C8orf34: variants seen among roughly 807,000 people sequenced by gnomAD.
C8orf34 encodes the protein chromosome 8 open reading frame 34.
A neutral mutation model predicts 68.3 loss-of-function variants in C8orf34; 65 were observed. The observed-to-expected ratio is 0.95, with a 90% CI of 0.78 to 1.17. The LOEUF is 1.17. Ranked by LOEUF, C8orf34 falls within the 50% of genes most tolerant of loss-of-function variation. C8orf34 has a pLI of 0.00. For missense variants in C8orf34, 664 were observed against 655.4 expected (o/e 1.01, Z -0.14); for synonymous variants, 244 against 241.2 (o/e 1.01, Z -0.11).
chr8:68,626,174 T>G (rs928962936), intron 7 of C8orf34, among the ~76,000 whole-genome samples: 1 of 152,054 alleles, frequency 6.6e-6, no homozygotes, highest in Non-Finnish European at 1.5e-5. Flanking sequence ...AAAAGAGGTA[T>G]GCAAAATTAA....
At chr8:68,622,946 T>C (rs1818431119) in intron 7 of C8orf34, among the ~76,000 whole-genome samples, 1 of 152,236 alleles carries the variant, frequency 6.6e-6, no homozygotes, top group Non-Finnish European at 1.5e-5. Context: ...TCTGATGAAA[T>C]ACTGGACTGG....
chr8:68,533,099 C>G lies in C8orf34; in HGVS notation c.1055C>G (p.Ser352Cys). ...GAGTCCATCCACAGCCCTACCCCAT[C>G]TGTAACAGAAGAAGATATTGATAAT... ...SFESIHSPTPSVTEEDIDNED... is the reference protein window; with the variant it reads ...SFESIHSPTPCVTEEDIDNED... Residue 352 changes from serine (S) to cysteine (C), a missense_variant, in exon 7 of 14, where the codon TCT becomes TGT. Transcript: ENST00000518698. 6.2e-7 allele frequency: 1 copy of G among 1,609,830 alleles called. No homozygotes were observed. Among genetic ancestry groups the G allele is most frequent in the East Asian group, 2.2e-5 (1 of 44,716 alleles).
chr8:68,770,020 C>G (rs777334881), intron 10 of C8orf34, among the ~76,000 whole-genome samples: 3 of 152,024 alleles, frequency 2.0e-5, no homozygotes, highest in African/African-American at 2.4e-5. Context: ...AGATGGGGGA[C>G]AAGAGAGAAA....
chr8:68,524,254 C>A (rs1265861709), intron 6 of C8orf34, among the ~76,000 whole-genome samples: 1 of 152,118 alleles, frequency 6.6e-6, no homozygotes, highest in African/African-American at 2.4e-5. Flanking sequence ...CATAATAAAC[C>A]TTGAGAGTCT....
chr8:68,643,252 C>T (rs1330671364), intron 8 of C8orf34, among the ~76,000 whole-genome samples: 2 of 152,190 alleles, frequency 1.3e-5, no homozygotes, highest in African/African-American at 2.4e-5. Context: ...TTCTCCAACA[C>T]CAATCCATGT....
chr8:68,704,996 A>C (rs1300979870), intron 8 of C8orf34, among the ~76,000 whole-genome samples: 3 of 152,186 alleles, frequency 2.0e-5, no homozygotes, highest in Non-Finnish European at 4.4e-5. Flanking sequence ...AGACAAATCA[A>C]GATGAGAAAT....
intron 7 of C8orf34, among the ~76,000 whole-genome samples, chr8:68,576,592 T>A (rs1337901106): frequency 6.7e-6 from 1 of 148,764 alleles, no homozygotes; most frequent in Admixed American, 6.6e-5. Context: ...GATGGAATGA[T>A]ATATTAATGG....
At position 68,490,362 on chromosome 8, in the gene C8orf34, A is replaced by G. The variant is rs552831824; in HGVS notation, c.765+2311A>G. ...CTGACTTGCAGCGGCTTTGGTGTCCACACCTTTGTTGATGAGCTAAAGAAT... is the reference window on the plus strand; with the variant it reads ...CTGACTTGCAGCGGCTTTGGTGTCCGCACCTTTGTTGATGAGCTAAAGAAT... On this transcript the variant is annotated intron_variant, in intron 5 of 13. Coordinates refer to ENST00000518698, the MANE Select transcript of C8orf34 (RefSeq NM_052958.4). Among the ~76,000 whole-genome samples the G allele has an allele frequency of 9.2e-5, 14 of 152,074 alleles. No homozygotes were observed. The South Asian group carries it at 2.9e-3, about 32-fold the overall frequency.
intron 11 of C8orf34, among the ~76,000 whole-genome samples, 178 bp downstream of exon 11, chr8:68,776,627 T>C (rs1192756773): frequency 2.6e-5 from 4 of 152,276 alleles, no homozygotes; most frequent in East Asian, 1.9e-4. Flanking sequence ...TTGGTCCTCA[T>C]TGGGAGAAAG....
intron 5 of C8orf34, among the ~76,000 whole-genome samples, chr8:68,503,686 CTTTTTTTT>C (rs538748605): frequency 7.4e-6 from 1 of 135,222 alleles, no homozygotes; most frequent in African/African-American, 2.7e-5. Flanking sequence ...TTTTCTTTTT[CTTTTTTTT>C]TTTTTTTCCA....
At chr8:68,393,640 CAT>C (rs1554539112) in intron 1 of C8orf34, among the ~76,000 whole-genome samples, 1 of 151,974 alleles carries the variant, frequency 6.6e-6, no homozygotes. Flanking sequence ...CTAAAGGAAA[CAT>C]AGAACTTGAG....
intron 1 of C8orf34, among the ~76,000 whole-genome samples, chr8:68,412,443 C>A (rs1356683149): frequency 3.3e-5 from 5 of 152,024 alleles, no homozygotes; most frequent in Non-Finnish European, 5.9e-5. Context: ...AAAAATAGAC[C>A]TGTCTTTGAA....
At chr8:68,563,657 T>TAA (rs879672905) in intron 7 of C8orf34, among the ~76,000 whole-genome samples, 1 of 143,204 alleles carries the variant, frequency 7.0e-6, no homozygotes, top group Non-Finnish European at 1.5e-5. Flanking sequence ...GAGTTAAGAT[T>TAA]AAAAAAAAAA....
chr8:68,355,177 G>C (rs977589186), intron 1 of C8orf34, among the ~76,000 whole-genome samples: 4 of 151,864 alleles, frequency 2.6e-5, no homozygotes, highest in African/African-American at 7.3e-5. Context: ...TTCAAGAGAG[G>C]GGCTGAGAAA....
chr8:68,361,148 A>C (rs1292467027), intron 1 of C8orf34, among the ~76,000 whole-genome samples: 1 of 152,148 alleles, frequency 6.6e-6, no homozygotes, highest in Non-Finnish European at 1.5e-5. Context: ...TGGAGTGCCC[A>C]TGAGAATAGC....
chr8:68,726,152 G>A (rs908578462), intron 10 of C8orf34, among the ~76,000 whole-genome samples: 16 of 152,038 alleles, frequency 1.1e-4, no homozygotes, highest in Non-Finnish European at 2.1e-4. Flanking sequence ...CAAGTGATCC[G>A]CCCGCCTCGG....
intron 10 of C8orf34, among the ~76,000 whole-genome samples, chr8:68,727,093 C>G (rs1821852355): frequency 2.6e-5 from 4 of 152,118 alleles, no homozygotes. Flanking sequence ...TCCTTTCTGT[C>G]TATGAGCTTG....
chr8:68,756,139 G>A (rs2129527808), intron 10 of C8orf34, among the ~76,000 whole-genome samples: 1 of 151,858 alleles, frequency 6.6e-6, no homozygotes, highest in South Asian at 2.1e-4. Flanking sequence ...GCATATGAGA[G>A]CCGCCAGTGG....
chr8:68,702,459 T>C (rs937299189), intron 8 of C8orf34, among the ~76,000 whole-genome samples: 20 of 152,334 alleles, frequency 1.3e-4, no homozygotes, highest in South Asian at 2.1e-4. Flanking sequence ...ATATATTGTT[T>C]GTTACTTGCA....
Sources: gnomAD v4.1 joint callset for allele counts (sites outside exome capture counted in the v4.1 genomes callset) on GRCh38, gnomAD v4.1.1 for gene constraint, MANE v1.5 for transcripts, NCBI Gene and HGNC (gene_info 2026-07-23, HGNC 2026-07-21) for gene names.